Variants in INIP observed in about 807,000 individuals in gnomAD.
INIP encodes the protein SOSS complex subunit C.
Under a neutral mutation model 14.0 loss-of-function variants are expected in INIP, and 9 were observed. That is an observed-to-expected ratio of 0.64 (90% CI 0.39 to 1.12). INIP has a LOEUF of 1.12. Ranked by LOEUF, INIP falls within the 50% of genes most tolerant of loss-of-function variation. The pLI, the probability that INIP is intolerant of heterozygous loss-of-function variation, is 0.01. For missense variants in INIP, 78 were observed against 122.7 expected (o/e 0.64, Z 1.72); for synonymous variants, 37 against 41.5 (o/e 0.89, Z 0.41).
chr9:112,699,942 T>C (rs1444188989), intron 2 of INIP, among the ~76,000 whole-genome samples: 1 of 152,190 alleles, frequency 6.6e-6, no homozygotes, highest in Non-Finnish European at 1.5e-5. Flanking sequence ...AACAAATACA[T>C]AACCATTCTG....
intron 3 of INIP, among the ~76,000 whole-genome samples, chr9:112,693,460 TAA>T (rs934732679): frequency 1.8e-4 from 27 of 152,326 alleles, no homozygotes; most frequent in Admixed American, 1.7e-3. Context: ...CCAAGAAGCC[TAA>T]AATCCCTTTT....
chr9:112,705,725 C>G (rs1838441560), intron 2 of INIP, among the ~76,000 whole-genome samples: 1 of 152,116 alleles, frequency 6.6e-6, no homozygotes, highest in African/African-American at 2.4e-5. Context: ...CCCCAAATAT[C>G]TTCAGACATT....
At chr9:112,687,887 C>T (rs536927810) in intron 4 of INIP, among the ~76,000 whole-genome samples, 6 of 152,164 alleles carry the variant, frequency 3.9e-5, no homozygotes, top group African/African-American at 1.4e-4. Flanking sequence ...AGATCGAGAC[C>T]ATCCTGGCTA....
chr9:112,713,687 C>A (rs1838716195), intron 2 of INIP, among the ~76,000 whole-genome samples: 1 of 150,344 alleles, frequency 6.7e-6, no homozygotes, highest in Non-Finnish European at 1.5e-5. Flanking sequence ...AAGACCCTGT[C>A]TCTTAAAAAA....
At chr9:112,691,383 C>T (rs758265643) in intron 3 of INIP, among the ~76,000 whole-genome samples, 1 of 152,110 alleles carries the variant, frequency 6.6e-6, no homozygotes, top group East Asian at 1.9e-4. Flanking sequence ...GATTGGAGAG[C>T]GGGGAGAATG....
Position 112,687,399 on chromosome 9 carries a change from T to C in INIP, c.*139A>G, listed in dbSNP as rs1837712776. The C allele has an allele frequency of 3.4e-6, 2 of 582,628 alleles. No individual in the cohort carries two copies. The highest frequency in any genetic ancestry group is 3.7e-5 in the African/African-American group (2 of 54,416). 36.1% of individuals were successfully genotyped at this position (582,628 alleles called of 1,614,324 possible). A position where few individuals can be genotyped will look rare whatever the true frequency, so the allele number is the denominator to read the frequency against. On this transcript the variant is annotated 3_prime_UTR_variant, in exon 5 of 5. Transcript: ENST00000374242. The stretch of plus-strand genomic sequence containing the variant: ...GGTTATTCTTCTTTCAGCTTTCACT[T>C]ACACATTCCTTTCTTTCAGACAAAC...
intron 4 of INIP, among the ~76,000 whole-genome samples, chr9:112,687,946 C>T (rs528039511): frequency 1.3e-5 from 2 of 152,062 alleles, no homozygotes; most frequent in African/African-American, 4.8e-5. Context: ...GTTAGCCAGG[C>T]GTGGTGGCGG....
At chr9:112,708,217 C>CG (rs1240498245) in intron 2 of INIP, among the ~76,000 whole-genome samples, 5 of 152,206 alleles carry the variant, frequency 3.3e-5, no homozygotes, top group South Asian at 2.1e-4. Context: ...AGCGTGAAAG[C>CG]GGGGGGAGCA....
chr9:112,688,960 G>A (rs1258505249), intron 4 of INIP, among the ~76,000 whole-genome samples: 1 of 150,426 alleles, frequency 6.6e-6, no homozygotes, highest in Admixed American at 6.6e-5. Context: ...GGAAAAAAAT[G>A]TCCAAAGTCT....
intron 2 of INIP, among the ~76,000 whole-genome samples, chr9:112,697,693 A>G (rs561987416): frequency 6.6e-6 from 1 of 152,348 alleles, no homozygotes; most frequent in Non-Finnish European, 1.5e-5. Flanking sequence ...ATGGTCAATG[A>G]CCAAATATGT....
intron 2 of INIP, among the ~76,000 whole-genome samples, chr9:112,713,344 A>C (rs949722727): frequency 3.3e-5 from 5 of 152,210 alleles, no homozygotes; most frequent in Non-Finnish European, 7.3e-5. Flanking sequence ...GCTGGAGAGA[A>C]TATAAAACAG....
chr9:112,701,227 G>T (rs1457815099), intron 2 of INIP, among the ~76,000 whole-genome samples: 2 of 152,206 alleles, frequency 1.3e-5, no homozygotes, highest in Non-Finnish European at 2.9e-5. Context: ...AGAATTGCTT[G>T]AACTGGGAGG....
intron 4 of INIP, among the ~76,000 whole-genome samples, chr9:112,688,047 C>T (rs753163672): frequency 7.2e-5 from 11 of 151,868 alleles, no homozygotes; most frequent in Non-Finnish European, 1.6e-4. Context: ...GCTCGCACCA[C>T]TGCACTCCAG....
chr9:112,717,651 G>T (rs887024792), intron 1 of INIP, among the ~76,000 whole-genome samples: 2 of 152,216 alleles, frequency 1.3e-5, no homozygotes, highest in Non-Finnish European at 2.9e-5. Context: ...AAAGACACAA[G>T]GGATAGAAAA....
Position 112,705,036 on chromosome 9 carries a change from G to T in INIP, c.26-10803C>A, listed in dbSNP as rs938522702. Among the ~76,000 whole-genome samples, 5 of 149,756 alleles carry T rather than the reference G, an allele frequency of 3.3e-5. No individual in the cohort carries two copies. In the East Asian group the frequency reaches 9.9e-4, roughly 30 times the overall value. Reference sequence around the variant, plus strand: ...TTAGGCAGGAGGATGGCTTGAACCTGGGAGGTCAAAGCTGCAGTGAGCCAT... The same window carrying T: ...TTAGGCAGGAGGATGGCTTGAACCTTGGAGGTCAAAGCTGCAGTGAGCCAT... On this transcript the variant is annotated intron_variant, in intron 2 of 4. Transcript: ENST00000374242.
chr9:112,699,599 T>C (rs758362030), intron 2 of INIP, among the ~76,000 whole-genome samples: 3 of 152,114 alleles, frequency 2.0e-5, no homozygotes, highest in Non-Finnish European at 4.4e-5. Context: ...TATGTATGTA[T>C]AGGAAAAAAT....
chr9:112,699,351 C>G (rs1838210203), intron 2 of INIP, among the ~76,000 whole-genome samples: 1 of 152,008 alleles, frequency 6.6e-6, no homozygotes, highest in Admixed American at 6.6e-5. Flanking sequence ...GATTCTTTCT[C>G]TTTAGTAGTA....
intron 2 of INIP, among the ~76,000 whole-genome samples, chr9:112,713,304 A>T (rs1838703621): frequency 6.6e-6 from 1 of 152,198 alleles, no homozygotes; most frequent in Non-Finnish European, 1.5e-5. Context: ...GACAACACTA[A>T]ATGTGAATCA....
chr9:112,714,068 C>G (rs1192086439), intron 2 of INIP, among the ~76,000 whole-genome samples: 4 of 151,462 alleles, frequency 2.6e-5, no homozygotes, highest in Admixed American at 1.3e-4. Context: ...CTGAGACAAC[C>G]CCAAAGTTTA....
Sources: allele counts gnomAD v4.1 joint callset (sites outside exome capture counted in the v4.1 genomes callset), GRCh38; gene constraint gnomAD v4.1.1; transcripts MANE v1.5; gene names NCBI Gene and HGNC (gene_info 2026-07-23, HGNC 2026-07-21).